Variants in CTNNA3 observed in about 807,000 individuals in gnomAD.
CTNNA3 encodes catenin alpha-3.
CTNNA3 carries 76 observed loss-of-function variants against 95.7 expected under a neutral mutation model. That is an observed-to-expected ratio of 0.79 (90% CI 0.66 to 0.96). CTNNA3 has a LOEUF of 0.96. Among genes scored for constraint, CTNNA3 ranks in the 40% least tolerant of loss-of-function variants. The pLI is 0.00. For synonymous variants in CTNNA3, 431 were observed against 374.4 expected (o/e 1.15, Z -1.74); for missense variants, 1,191 against 1,089.8 (o/e 1.09, Z -1.31).
chr10:67,416,372 G>T (rs1845539084), intron 5 of CTNNA3, among the ~76,000 whole-genome samples: 1 of 151,606 alleles, frequency 6.6e-6, no homozygotes, highest in South Asian at 2.1e-4. Flanking sequence ...CCTTTGGGAG[G>T]CCGAGGAGGG....
chr10:67,539,145 T>C (rs1251334810), intron 4 of CTNNA3, among the ~76,000 whole-genome samples: 1 of 152,160 alleles, frequency 6.6e-6, no homozygotes, highest in Non-Finnish European at 1.5e-5. Flanking sequence ...ACTTTAAGGT[T>C]TCTATTTCTC....
At position 67,434,065 on chromosome 10, in the gene CTNNA3, A is replaced by T. The variant is rs142109732; in HGVS notation, c.579+87777T>A. 5.3e-5 allele frequency among the ~76,000 whole-genome samples: 8 copies of T among 152,184 alleles called. No homozygotes were observed. The East Asian group carries it at 1.4e-3, about 26-fold the overall frequency. The stretch of plus-strand genomic sequence containing the variant: ...TCAGTGACATTTTCATTTGAACCAC[A>T]TATTAGTCTTTCTTGTCTCCTCTAT... On this transcript the variant is annotated intron_variant, in intron 5 of 17. Coordinates refer to ENST00000433211, the MANE Select transcript of CTNNA3 (RefSeq NM_013266.4).
intron 5 of CTNNA3, among the ~76,000 whole-genome samples, chr10:67,448,666 A>C (rs2132953830): frequency 6.6e-6 from 1 of 151,664 alleles, no homozygotes; most frequent in South Asian, 2.1e-4. Context: ...ACTAAAAGAA[A>C]TTCTATGCGA....
Position 67,566,083 on chromosome 10 carries a change from G to C in CTNNA3, c.293-26414C>G, listed in dbSNP as rs201327495. 9.2e-5 allele frequency among the ~76,000 whole-genome samples: 3 copies of C among 32,654 alleles called. No homozygotes were observed. In the East Asian group the frequency reaches 3.5e-3, roughly 39 times the overall value. The allele number at this position is 32,654 out of a possible 152,430, so 21.4% of individuals were successfully genotyped here. A position where few individuals can be genotyped will look rare whatever the true frequency, so the allele number is the denominator to read the frequency against. On this transcript the variant is annotated intron_variant, in intron 3 of 17. Transcript: ENST00000433211. Reference sequence around the variant, plus strand: ...TATATATATATATATACAAAACCTAGGCATTACCATTCAGGACATAGGCAT... The same window carrying C: ...TATATATATATATATACAAAACCTACGCATTACCATTCAGGACATAGGCAT...
chr10:66,050,559 C>A (rs929599145), intron 15 of CTNNA3, among the ~76,000 whole-genome samples: 6 of 152,124 alleles, frequency 3.9e-5, no homozygotes, highest in Admixed American at 3.9e-4. Context: ...AGCCTCTTCA[C>A]TAGCTGGGAC....
chr10:66,165,434 C>A (rs10996943), intron 13 of CTNNA3, among the ~76,000 whole-genome samples: 26,590 of 151,796 alleles, frequency 0.18, 2,524 homozygotes, highest in Admixed American at 0.25. Flanking sequence ...TGCAATATAC[C>A]CAGGTAACAA....
At chr10:66,516,157 C>G (rs1840850819) in intron 11 of CTNNA3, among the ~76,000 whole-genome samples, 1 of 151,384 alleles carries the variant, frequency 6.6e-6, no homozygotes, top group Admixed American at 6.6e-5. Context: ...AGAGGGCCAG[C>G]TAGATTCTTT....
At chr10:67,714,667 T>C (rs534235674) in intron 1 of CTNNA3, among the ~76,000 whole-genome samples, 1 of 152,274 alleles carries the variant, frequency 6.6e-6, no homozygotes. Context: ...GGTTTTGAAA[T>C]GTGAGGACAT....
At chr10:67,203,360 C>T (rs550736018) in intron 6 of CTNNA3, among the ~76,000 whole-genome samples, 1 of 152,284 alleles carries the variant, frequency 6.6e-6, no homozygotes, top group Admixed American at 6.5e-5. Flanking sequence ...ATTCGCCTTC[C>T]ACCATGATTG....
At chr10:65,958,358 T>A (rs1017447346) in intron 17 of CTNNA3, among the ~76,000 whole-genome samples, 3 of 152,132 alleles carry the variant, frequency 2.0e-5, no homozygotes, top group African/African-American at 7.2e-5. Context: ...AGAAGTTTGT[T>A]ATTACCGATC....
intron 10 of CTNNA3, among the ~76,000 whole-genome samples, chr10:66,594,927 T>C (rs1369725421): frequency 6.6e-6 from 1 of 152,158 alleles, no homozygotes; most frequent in African/African-American, 2.4e-5. Context: ...TGAGTTAATA[T>C]ATAAAAATTA....
Position 66,775,472 on chromosome 10 carries a change from C to A in CTNNA3, c.1100G>T (p.Cys367Phe), listed in dbSNP as rs1323405727. 5.0e-6 allele frequency: 8 copies of A among 1,611,604 alleles called. No homozygotes were observed. The highest frequency in any genetic ancestry group is 6.8e-6 in the Non-Finnish European group (8 of 1,178,894). Residue 367 changes from cysteine to phenylalanine, a missense_variant, in exon 8 of 18, where the codon TGT becomes TTT. By Grantham distance (205) the Cys-to-Phe change is radical. Transcript: ENST00000433211. ...NTLNIALDNMCKKTRDLRRQL... is the reference protein window; with the variant it reads ...NTLNIALDNMFKKTRDLRRQL... ...TCTGCGAAGGTCTCTTGTCTTCTTA[C>A]ACATGTTGTCTAAAGCAATATTCAG...
intron 3 of CTNNA3, among the ~76,000 whole-genome samples, chr10:67,542,195 C>A (rs1440203017): frequency 1.3e-5 from 2 of 152,066 alleles, no homozygotes; most frequent in Non-Finnish European, 2.9e-5. Context: ...ATATTCCTAA[C>A]CCTTTTCAGC....
At chr10:67,616,407 G>A (rs974561355) in intron 2 of CTNNA3, among the ~76,000 whole-genome samples, 23 of 152,218 alleles carry the variant, frequency 1.5e-4, no homozygotes, top group African/African-American at 5.3e-4. Flanking sequence ...GGCAAGGATG[G>A]GATGAGGAAT....
intron 5 of CTNNA3, among the ~76,000 whole-genome samples, chr10:67,441,460 G>C (rs991089500): frequency 2.6e-5 from 4 of 151,926 alleles, no homozygotes; most frequent in Non-Finnish European, 5.9e-5. Flanking sequence ...AATACAAGAA[G>C]ACTATAGAAC....
upstream of CTNNA3, among the ~76,000 whole-genome samples, chr10:67,700,748 C>T (rs1449840574): frequency 2.0e-5 from 3 of 152,210 alleles, no homozygotes; most frequent in Non-Finnish European, 2.9e-5. Flanking sequence ...CGCAGCTCCT[C>T]ACCAGCAACG....
intron 17 of CTNNA3, among the ~76,000 whole-genome samples, chr10:65,932,610 T>C (rs2077272218): frequency 6.6e-6 from 1 of 152,090 alleles, no homozygotes; most frequent in African/African-American, 2.4e-5. Context: ...GCCCTCATTC[T>C]CTCAACCATC....
In CTNNA3 at chr10:67,357,674, G is replaced by A. The variant is rs1036170539; in HGVS notation, c.580-137804C>T. ...ACAGTTGGTTTGGGGGACTTTTGAT[G>A]TTATTCTTTTATTTTTGAACAAAGT... is the stretch of plus-strand genomic sequence containing the variant. On this transcript the variant is annotated intron_variant, in intron 5 of 17. Coordinates refer to ENST00000433211, the MANE Select transcript of CTNNA3 (RefSeq NM_013266.4). Among the ~76,000 whole-genome samples the A allele has an allele frequency of 1.2e-3, 176 of 152,070 alleles. 1 individual carries two copies. Among genetic ancestry groups the A allele is most frequent in the African/African-American group, 4.1e-3 (170 of 41,538 alleles).
chr10:66,367,147 CT>C (rs1284524697), intron 12 of CTNNA3, among the ~76,000 whole-genome samples: 1 of 152,122 alleles, frequency 6.6e-6, no homozygotes, highest in African/African-American at 2.4e-5. Context: ...ATACGTCCCA[CT>C]GATCACATAG....
Sources: gnomAD v4.1 joint callset for allele counts (sites outside exome capture counted in the v4.1 genomes callset) on GRCh38, gnomAD v4.1.1 for gene constraint, MANE v1.5 for transcripts, NCBI Gene and HGNC (gene_info 2026-07-23, HGNC 2026-07-21) for gene names.